ARFGAP1: variants seen among roughly 807,000 people sequenced by gnomAD.
The protein encoded by ARFGAP1 is ADP-ribosylation factor GTPase-activating protein 1.
Under a neutral mutation model 54.0 loss-of-function variants are expected in ARFGAP1, and 26 were observed. That is an observed-to-expected ratio of 0.48 (90% CI 0.35 to 0.67). The LOEUF (loss-of-function observed/expected upper bound fraction) is 0.67. Ranked by LOEUF, ARFGAP1 falls within the 30% of genes least tolerant of loss-of-function variation. The pLI, the probability that ARFGAP1 is intolerant of heterozygous loss-of-function variation, is 0.00. For synonymous variants in ARFGAP1, 248 were observed against 211.9 expected (o/e 1.17, Z -1.48); for missense variants, 525 against 535.8 (o/e 0.98, Z 0.20).
Position 63,284,088 on chromosome 20 carries a change from A to G in ARFGAP1, c.718-778A>G, listed in dbSNP as rs917048397. On this transcript the variant is annotated intron_variant, in intron 9 of 12. Transcript: ENST00000370283. Reference sequence around the variant, plus strand: ...CTGTGTGTGCCTGTCACCCCTGCGCAGTACCACTGCGCTCCCCCCGGGCAA... The same window carrying G: ...CTGTGTGTGCCTGTCACCCCTGCGCGGTACCACTGCGCTCCCCCCGGGCAA... 5.8e-5 allele frequency: 79 copies of G among 1,361,260 alleles called. No homozygotes were observed. The Middle Eastern group carries it at 8.1e-4, about 14-fold the overall frequency. The allele number at this position is 1,361,260 out of a possible 1,614,324, so 84.3% of individuals were successfully genotyped here. A position where few individuals can be genotyped will look rare whatever the true frequency, so the allele number is the denominator to read the frequency against.
At chr20:63,286,995 G>A (rs1001820016) in intron 12 of ARFGAP1, 2 of 162,250 alleles carry the variant, frequency 1.2e-5, no homozygotes, top group African/African-American at 4.8e-5. Flanking sequence ...CCCCAACAGG[G>A]GAACCACCGG....
At chr20:63,283,283 C>G (rs913369887) in intron 9 of ARFGAP1, 3 of 225,626 alleles carry the variant, frequency 1.3e-5, no homozygotes, top group African/African-American at 2.3e-5. Flanking sequence ...GGGCTTCCCC[C>G]AGTCGGGGCA....
chr20:63,273,840 C>T (rs1418222952), intron 1 of ARFGAP1, among the ~76,000 whole-genome samples: 1 of 152,198 alleles, frequency 6.6e-6, no homozygotes, highest in East Asian at 1.9e-4. Flanking sequence ...CGGCTCACCT[C>T]CTCTCCGTGG....
chr20:63,278,492 A>C (rs1048237795), intron 6 of ARFGAP1: 26 of 475,676 alleles, frequency 5.5e-5, no homozygotes, highest in Non-Finnish European at 8.0e-5. Context: ...GGTGTATTGC[A>C]GTGACCCCCA....
In ARFGAP1 at chr20:63,278,975, G is replaced by A. The variant is rs760312924; in HGVS notation, c.607G>A (p.Ala203Thr). 3.7e-6 allele frequency: 6 copies of A among 1,613,964 alleles called. No individual in the cohort carries two copies. Among genetic ancestry groups the A allele is most frequent in the Admixed American group, 3.3e-5 (2 of 60,028 alleles). The part of the protein sequence containing the change: ...QKKEDDFLNN[A>T]MSSLYSGWSS... ...GAAAGAAGATGACTTCCTCAACAAC[G>A]CCATGTCCTCCCTGTACTCGGTGAG... is the stretch of plus-strand genomic sequence containing the variant. Residue 203 changes from alanine to threonine, a missense_variant, in exon 7 of 13, where the codon GCC becomes ACC. Ala to Thr is a moderately conservative substitution (Grantham distance 58). Coordinates refer to ENST00000370283, the MANE Select transcript of ARFGAP1 (RefSeq NM_018209.4).
At chr20:63,286,001 C>T (rs1332188264) in intron 11 of ARFGAP1, 2 of 1,535,088 alleles carry the variant, frequency 1.3e-6, no homozygotes, top group Admixed American at 2.0e-5. Context: ...TCTTTGCTGC[C>T]ATCAGTCCCA....
At chr20:63,283,878 C>T (rs201741215) in intron 9 of ARFGAP1, 1 of 1,613,754 alleles carries the variant, frequency 6.2e-7, no homozygotes. Context: ...GCAGCCGGAG[C>T]CGGTAAAGCC....
rs1234541872 is a variant in ARFGAP1 at position 63,289,408 on chromosome 20, G to T, written c.*1535G>T. ...CTGGTGGGCTGAGTGCTCCGAGGAGGGGTGGACTCCACCTTGGACAGTGGG... is the reference window on the plus strand; with the variant it reads ...CTGGTGGGCTGAGTGCTCCGAGGAGTGGTGGACTCCACCTTGGACAGTGGG... On this transcript the variant is annotated 3_prime_UTR_variant, in exon 13 of 13. Coordinates refer to ENST00000370283, the MANE Select transcript of ARFGAP1 (RefSeq NM_018209.4). The T allele has an allele frequency of 6.6e-6, 1 of 152,264 alleles. No individual in the cohort carries two copies. The highest frequency in any genetic ancestry group is 1.5e-5 in the Non-Finnish European group (1 of 68,114). 9.4% of individuals were successfully genotyped at this position (152,264 alleles called of 1,614,324 possible).
chr20:63,281,078 T>C (rs369516635), intron 7 of ARFGAP1, among the ~76,000 whole-genome samples: 17 of 152,190 alleles, frequency 1.1e-4, no homozygotes, highest in Admixed American at 5.2e-4. Flanking sequence ...GCACTGCAGT[T>C]GGCGAGGTGG....
At chr20:63,286,107 T>G in intron 11 of ARFGAP1, 2 of 1,549,866 alleles carry the variant, frequency 1.3e-6, no homozygotes, top group Non-Finnish European at 1.7e-6. Flanking sequence ...GCCTCGCTCC[T>G]CCCCCCCAAG....
In ARFGAP1 at chr20:63,288,426, C is replaced by G. The variant is rs1234325395; in HGVS notation, c.*553C>G. On this transcript the variant is annotated 3_prime_UTR_variant, in exon 13 of 13. Coordinates refer to ENST00000370283, the MANE Select transcript of ARFGAP1 (RefSeq NM_018209.4). ...CTCCCGAGTCCACGCCTGCCTGGGC[C>G]TGTGCTGTCAGACCCGCGTCGGTCG... is the stretch of plus-strand genomic sequence containing the variant. 8.8e-6 allele frequency: 4 copies of G among 456,062 alleles called. No individual in the cohort carries two copies. Among genetic ancestry groups the G allele is most frequent in the Non-Finnish European group, 1.3e-5 (3 of 226,860 alleles). The allele number at this position is 456,062 out of a possible 1,614,324, so 28.3% of individuals were successfully genotyped here.
chr20:63,274,740 G>A (rs1475323386), intron 1 of ARFGAP1, among the ~76,000 whole-genome samples: 1 of 152,134 alleles, frequency 6.6e-6, no homozygotes, highest in Non-Finnish European at 1.5e-5. Context: ...TTGACGCTGG[G>A]GTTGGTACCA....
chr20:63,284,799 C>T, intron 9 of ARFGAP1, 67 bp from the exon 10 acceptor site: 2 of 1,596,588 alleles, frequency 1.3e-6, no homozygotes, highest in Non-Finnish European at 8.5e-7. Context: ...CTGGCCTGTG[C>T]TGCCACTGCC....
Position 63,279,071 on chromosome 20 carries a change from T to C in ARFGAP1, c.627+76T>C, listed in dbSNP as rs2067311285. On this transcript the variant is annotated intron_variant, in intron 7 of 12. Coordinates refer to ENST00000370283, the MANE Select transcript of ARFGAP1 (RefSeq NM_018209.4). ...GGGCACGACGGGCCATAGTGGGCAG[T>C]GTGGCAGTCCTGGAACATGTGCTCT... 2.8e-6 allele frequency: 4 copies of C among 1,418,274 alleles called. No individual in the cohort carries two copies. The East Asian group carries it at 7.0e-5, about 25-fold the overall frequency. The allele number at this position is 1,418,274 out of a possible 1,614,324, so 87.9% of individuals were successfully genotyped here. A position where few individuals can be genotyped will look rare whatever the true frequency, so the allele number is the denominator to read the frequency against.
Position 63,286,393 on chromosome 20 carries a change from C to T in ARFGAP1, c.862C>T (p.Arg288Trp), listed in dbSNP as rs144243801. ...CCAGGGAGTCGGTAGTAAGGGATGG[C>T]GGGACGTCACCACCTTTTTTTCGGG... is the stretch of plus-strand genomic sequence containing the variant. ...KVQGVGSKGW[R>W]DVTTFFSGKA... is the part of the protein sequence containing the mutation. The change falls in exon 12 of 13, where the codon CGG becomes TGG. Residue 288 changes from arginine (R) to tryptophan (W), a missense_variant. By Grantham distance (101) the Arg-to-Trp change is moderately radical (BLOSUM62 -3). Transcript: ENST00000370283. 1.3e-4 allele frequency: 214 copies of T among 1,613,480 alleles called. No homozygotes were observed. In the African/African-American group the frequency reaches 2.2e-3, roughly 16 times the overall value.
At chr20:63,284,831 C>G (rs924412340) in intron 9 of ARFGAP1, 35 bp from the exon 10 acceptor site, 10 of 1,610,628 alleles carry the variant, frequency 6.2e-6, no homozygotes, top group Non-Finnish European at 8.5e-6. Context: ...CGTGGTGGAG[C>G]TGTCGTGGGG....
Position 63,277,234 on chromosome 20 carries a change from G to A in ARFGAP1, c.372G>A (p.Trp124Ter), listed in dbSNP as rs1436529104. The A allele has an allele frequency of 6.2e-7, 1 of 1,612,838 alleles. No individual in the cohort carries two copies. The highest frequency in any genetic ancestry group is 1.3e-5 in the African/African-American group (1 of 74,892). The change falls in exon 5 of 13, where the codon TGG (tryptophan) becomes TGA (stop). Residue 124 changes from tryptophan to a stop codon, truncating the protein, a stop_gained. Coordinates refer to ENST00000370283, the MANE Select transcript of ARFGAP1 (RefSeq NM_018209.4). LOFTEE classifies it high-confidence loss of function. ...TCGCTCTGGCCGAAGGCAGAGAGTGGTCTCTGGAGTCATCACCTGCCCAGA... is the reference window on the plus strand; with the variant it reads ...TCGCTCTGGCCGAAGGCAGAGAGTGATCTCTGGAGTCATCACCTGCCCAGA... ...KVVALAEGRE[W>*]SLESSPAQNW...
At position 63,282,827 on chromosome 20, in the gene ARFGAP1, G is replaced by A. The variant is rs767204484; in HGVS notation, c.693G>A (p.Lys231=). 1.9e-6 allele frequency: 3 copies of A among 1,614,088 alleles called. No homozygotes were observed. The highest frequency in any genetic ancestry group is 2.5e-6 in the Non-Finnish European group (3 of 1,180,012). The change falls in exon 9 of 13, where the codon AAG becomes AAA. Residue 231 remains lysine (K), a synonymous_variant. Transcript: ENST00000370283. ...FASAAKEGAT[K]FGSQASQKAS... ...TTTGTTTTTCATTTTAGGCTACAAA[G>A]TTTGGATCCCAAGCGAGTCAGAAGG...
chr20:63,285,781 A>G, intron 11 of ARFGAP1, 68 bp downstream of exon 11: 1 of 1,577,988 alleles, frequency 6.3e-7, no homozygotes, highest in South Asian at 1.1e-5. Flanking sequence ...CCTGGGCGTG[A>G]GAGCAGGGTG....
Sources: gnomAD v4.1 joint callset for allele counts (sites outside exome capture counted in the v4.1 genomes callset) on GRCh38, gnomAD v4.1.1 for gene constraint, MANE v1.5 for transcripts, NCBI Gene and HGNC (gene_info 2026-07-23, HGNC 2026-07-21) for gene names.